EYS: variants seen among roughly 807,000 people sequenced by gnomAD.
EYS encodes the protein protein eyes shut homolog.
EYS carries 250 observed loss-of-function variants against 282.1 expected under a neutral mutation model. The ratio of observed to expected loss-of-function variants is 0.89; its 90% CI spans 0.80 to 0.98. The LOEUF is 0.98. Among genes scored for constraint, EYS ranks in the 50% least tolerant of loss-of-function variants. The pLI is 0.00. For synonymous variants in EYS, 1,355 were observed against 1,282.9 expected, an observed-to-expected ratio of 1.06 and a Z score of -1.20; for missense variants, 4,016 against 3,709.0, an observed-to-expected ratio of 1.08 and a Z score of -2.15.
intron 22 of EYS, among the ~76,000 whole-genome samples, chr6:64,691,141 T>A (rs1379058542): frequency 6.6e-6 from 1 of 151,978 alleles, no homozygotes. Context: ...CAAATAAAAA[T>A]AAACTATTTC....
chr6:64,257,881 C>T lies in EYS; in HGVS notation c.6192-27057G>A, dbSNP rs1024104780. Among the ~76,000 whole-genome samples, 4 of 151,934 alleles carry T rather than the reference C, an allele frequency of 2.6e-5. No homozygotes were observed. The South Asian group carries it at 8.3e-4, about 31-fold the overall frequency. On this transcript the variant is annotated intron_variant, in intron 30 of 42. Coordinates refer to ENST00000503581, the MANE Select transcript of EYS (RefSeq NM_001142800.2). The stretch of plus-strand genomic sequence containing the variant: ...ACAGAAAACACTACAGGTACATTCC[C>T]AAGACCTTACTTAATTGTTGACAAC...
intron 29 of EYS, among the ~76,000 whole-genome samples, chr6:64,314,218 A>AAAAAAAAAG (rs1769844545): frequency 6.7e-6 from 1 of 148,316 alleles, no homozygotes; most frequent in African/African-American, 2.5e-5. Context: ...AAAAAAAAAA[A>AAAAAAAAAG]GCAGGGGTTG....
chr6:65,350,082 A>T (rs1417496476), intron 9 of EYS, among the ~76,000 whole-genome samples: 1 of 151,472 alleles, frequency 6.6e-6, no homozygotes, highest in Non-Finnish European at 1.5e-5. Context: ...ATGCTTTAAA[A>T]ACTTACTATA....
Position 65,564,981 on chromosome 6 carries a change from C to A in EYS, c.-332-68988G>T, listed in dbSNP as rs1209499583. ...GGGTGAACGGCCGGGCGCGGTGGCT[C>A]ACGCCTGTAATCCCAGCACTTTGGG... On this transcript the variant is annotated intron_variant, in intron 2 of 42. Coordinates refer to ENST00000503581, the MANE Select transcript of EYS (RefSeq NM_001142800.2). Among the ~76,000 whole-genome samples, 2 of 61,016 alleles carry A rather than the reference C, an allele frequency of 3.3e-5. 1 individual carries two copies. 40.0% of individuals were successfully genotyped at this position (61,016 alleles called of 152,430 possible). A position where few individuals can be genotyped will look rare whatever the true frequency, so the allele number is the denominator to read the frequency against.
At chr6:65,128,174 G>C (rs183764523) in intron 12 of EYS, among the ~76,000 whole-genome samples, 1 of 151,732 alleles carries the variant, frequency 6.6e-6, no homozygotes, top group Non-Finnish European at 1.5e-5. Flanking sequence ...TACCATATCC[G>C]ATCAAGGTAG....
Position 64,961,468 on chromosome 6 carries a change from T to C in EYS, c.2260-15554A>G, listed in dbSNP as rs73767201. 6.5e-5 allele frequency among the ~76,000 whole-genome samples: 9 copies of C among 139,164 alleles called. No homozygotes were observed. In the South Asian group the frequency reaches 6.7e-4, roughly 10 times the overall value. The allele number at this position is 139,164 out of a possible 152,430, so 91.3% of individuals were successfully genotyped here. A position where few individuals can be genotyped will look rare whatever the true frequency, so the allele number is the denominator to read the frequency against. On this transcript the variant is annotated intron_variant, in intron 14 of 42. Coordinates refer to ENST00000503581, the MANE Select transcript of EYS (RefSeq NM_001142800.2). ...CCAATATATCATATATATATATATATACACACACAATTTATATACACATAA... is the reference window on the plus strand; with the variant it reads ...CCAATATATCATATATATATATATACACACACACAATTTATATACACATAA...
intron 5 of EYS, among the ~76,000 whole-genome samples, chr6:65,456,448 CAA>C (rs5876965): frequency 1.7e-4 from 22 of 130,012 alleles, no homozygotes; most frequent in African/African-American, 4.0e-4. Flanking sequence ...GACTCTGTCT[CAA>C]AAAAAAAAAA....
At chr6:64,945,470 T>C (rs1769256806) in intron 15 of EYS, among the ~76,000 whole-genome samples, 1 of 152,132 alleles carries the variant, frequency 6.6e-6, no homozygotes, top group Non-Finnish European at 1.5e-5. Context: ...CAGAGTGTGG[T>C]AGTTCTCATA....
chr6:63,776,084 G>T (rs1023726942), intron 40 of EYS, among the ~76,000 whole-genome samples: 2 of 152,016 alleles, frequency 1.3e-5, no homozygotes, highest in African/African-American at 4.8e-5. Context: ...ATTATTGCTT[G>T]TCTATTTGTT....
At chr6:64,110,969 AAGG>A (rs1406553737) in intron 31 of EYS, among the ~76,000 whole-genome samples, 3 of 152,012 alleles carry the variant, frequency 2.0e-5, no homozygotes, top group Non-Finnish European at 2.9e-5. Context: ...TATTTGAAAA[AAGG>A]AGAAGAATCA....
chr6:65,119,967 C>T (rs1775483565), intron 12 of EYS, among the ~76,000 whole-genome samples: 1 of 151,344 alleles, frequency 6.6e-6, no homozygotes, highest in Non-Finnish European at 1.5e-5. Flanking sequence ...GAAACCTACC[C>T]CCCCTCCCCG....
chr6:65,522,965 T>C (rs931772663), intron 2 of EYS, among the ~76,000 whole-genome samples: 3 of 152,188 alleles, frequency 2.0e-5, no homozygotes, highest in African/African-American at 7.2e-5. Context: ...TATTACATTT[T>C]TGTGTTCAAA....
chr6:64,202,141 T>C (rs1765474315), intron 31 of EYS, among the ~76,000 whole-genome samples: 1 of 152,190 alleles, frequency 6.6e-6, no homozygotes, highest in Non-Finnish European at 1.5e-5. Context: ...GCTATAACCT[T>C]AGGAGTCTTC....
intron 12 of EYS, among the ~76,000 whole-genome samples, chr6:65,209,349 C>T (rs1199646718): frequency 6.6e-6 from 1 of 150,604 alleles, no homozygotes; most frequent in Non-Finnish European, 1.5e-5. Flanking sequence ...AAGCTTTCTG[C>T]TATATTAAAA....
intron 26 of EYS, among the ~76,000 whole-genome samples, chr6:64,458,216 C>G (rs947807250): frequency 6.6e-6 from 1 of 152,040 alleles, no homozygotes; most frequent in East Asian, 1.9e-4. Context: ...TTACATACCA[C>G]CCTTACAGTA....
rs55756711 is a variant in EYS at position 64,107,285 on chromosome 6, TTATATATATA to T, written c.6425-25293_6425-25284del. Among the ~76,000 whole-genome samples the T allele has an allele frequency of 2.2e-3, 227 of 101,508 alleles. 1 individual carries two copies. Among genetic ancestry groups the T allele is most frequent in the African/African-American group, 7.2e-3 (205 of 28,402 alleles). 66.6% of individuals were successfully genotyped at this position (101,508 alleles called of 152,430 possible). On this transcript the variant is annotated intron_variant, in intron 31 of 42. Transcript: ENST00000503581. ...TGTGTGTGTGTGTATATATATATAT[TTATATATATA>T]TATATATATATATATATATAAAGGG...
intron 28 of EYS, among the ~76,000 whole-genome samples, chr6:64,393,192 T>C (rs947975630): frequency 1.8e-4 from 28 of 152,310 alleles, no homozygotes; most frequent in Admixed American, 3.3e-4. Context: ...AGCCGAATTC[T>C]ACCATAGGTA....
chr6:65,448,754 C>A (rs1186441038), intron 5 of EYS, among the ~76,000 whole-genome samples: 1 of 151,826 alleles, frequency 6.6e-6, no homozygotes, highest in African/African-American at 2.4e-5. Context: ...AACAATTTGG[C>A]AATATCAAAT....
At chr6:64,758,773 T>C (rs117856315) in intron 22 of EYS, among the ~76,000 whole-genome samples, 1 of 152,114 alleles carries the variant, frequency 6.6e-6, no homozygotes, top group African/African-American at 2.4e-5. Context: ...AAATAAAGAG[T>C]CTACCCTTTG....
Sources: gnomAD v4.1 joint callset for allele counts (sites outside exome capture counted in the v4.1 genomes callset) on GRCh38, gnomAD v4.1.1 for gene constraint, MANE v1.5 for transcripts, NCBI Gene and HGNC (gene_info 2026-07-23, HGNC 2026-07-21) for gene names.